HRNR: variants seen among roughly 807,000 people sequenced by gnomAD.
HRNR encodes filaggrin family member 3.
Under a neutral mutation model 4.8 loss-of-function variants are expected in HRNR, and 7 were observed. The observed-to-expected ratio is 1.47, with a 90% CI of 0.83 to 2.75. The LOEUF (loss-of-function observed/expected upper bound fraction) is 2.75. HRNR is among the 30% of genes most tolerant of loss of function. The probability of loss-of-function intolerance (pLI) is 0.00; values close to 1 mark genes in which losing one functional copy is unlikely to be tolerated. For synonymous variants in HRNR, 1,023 were observed against 1,242.7 expected (o/e 0.82, Z 3.72); for missense variants, 2,879 against 3,010.4 (o/e 0.96, Z 1.02).
Position 152,215,340 on chromosome 1 carries a change from G to C in HRNR, c.6289C>G (p.His2097Asp). The C allele has an allele frequency of 2.7e-6, 4 of 1,479,910 alleles. No homozygotes were observed. The highest frequency in any genetic ancestry group is 3.6e-6 in the Non-Finnish European group (4 of 1,102,930). 91.7% of individuals were successfully genotyped at this position (1,479,910 alleles called of 1,614,324 possible). A position where few individuals can be genotyped will look rare whatever the true frequency, so the allele number is the denominator to read the frequency against. Residue 2097 changes from histidine to aspartate, a missense_variant, in exon 3 of 3, where the codon CAT becomes GAT. Physicochemically the swap from His to Asp is moderately conservative, Grantham distance 81 (BLOSUM62 -1). Transcript: ENST00000368801. ...GSGRSSSSGQ[H>D]GPGLGESSGF... ...GAAGACTCGCCTAAGCCAGGCCCAT[G>C]TTGGCCACTGCTGGAAGACCGACCG...
Position 152,213,155 on chromosome 1 carries a change from C to A in HRNR, c.8474G>T (p.Gly2825Val). The change falls in exon 3 of 3, where the codon GGC (glycine) becomes GTC (valine). Residue 2825 changes from glycine to valine, a missense_variant. Coordinates refer to ENST00000368801, the MANE Select transcript of HRNR (RefSeq NM_001009931.3). Reference protein sequence around the residue: ...GGSNHDGGSSGSYFLSFPSST... With the variant: ...GGSNHDGGSSVSYFLSFPSST... The stretch of plus-strand genomic sequence containing the variant: ...ACTAGGAAAACTGAGAAAATATGAG[C>A]CAGAACTTCCCCCATCATGGTTACT... 6.2e-7 allele frequency: 1 copy of A among 1,613,980 alleles called. No individual in the cohort carries two copies. The highest frequency in any genetic ancestry group is 1.1e-5 in the South Asian group (1 of 91,092).
In HRNR at chr1:152,219,394, G is replaced by C. The variant is rs761177408; in HGVS notation, c.2235C>G (p.Ser745Arg). ...GACCATAGCTGGAAGACAAACCTGAGCTAGATCCGTGTTGTTCACTCCTAG... is the reference window on the plus strand; with the variant it reads ...GACCATAGCTGGAAGACAAACCTGACCTAGATCCGTGTTGTTCACTCCTAG... Reference protein sequence around the residue: ...QSSRSEQHGSSSGLSSSYGQH... With the variant: ...QSSRSEQHGSRSGLSSSYGQH... Residue 745 changes from serine to arginine, a missense_variant, in exon 3 of 3, where the codon AGC (serine) becomes AGG (arginine). Physicochemically the swap from Ser to Arg is moderately radical, Grantham distance 110 (BLOSUM62 -1). Around this residue, in one of 8 missense-constraint regions of HRNR, gnomAD observed 2,646 missense variants for 1,377.7 expected, o/e 1.92. Coordinates refer to ENST00000368801, the MANE Select transcript of HRNR (RefSeq NM_001009931.3). 8.1e-6 allele frequency: 13 copies of C among 1,613,882 alleles called. No homozygotes were observed. The highest frequency in any genetic ancestry group is 9.3e-6 in the Non-Finnish European group (11 of 1,179,994).
In HRNR at chr1:152,213,161, C is replaced by T. The variant is rs150101773; in HGVS notation, c.8468G>A (p.Ser2823Asn). 2.2e-5 allele frequency: 36 copies of T among 1,614,066 alleles called. 3 individuals carry two copies. In the Admixed American group the frequency reaches 4.3e-4, roughly 19 times the overall value. Residue 2823 changes from serine (S) to asparagine (N), a missense_variant, in exon 3 of 3, where the codon AGT becomes AAT. Physicochemically the swap from Ser to Asn is conservative, Grantham distance 46. Coordinates refer to ENST00000368801, the MANE Select transcript of HRNR (RefSeq NM_001009931.3). ...AAAACTGAGAAAATATGAGCCAGAA[C>T]TTCCCCCATCATGGTTACTTCCTCC... ...CKGGSNHDGG[S>N]SGSYFLSFPS... is the part of the protein sequence containing the mutation.
rs58787060 is a variant in HRNR, at chr1:152,221,809, TTAATTA to T, written c.139-325_139-320del. 5.1e-3 allele frequency among the ~76,000 whole-genome samples: 776 copies of T among 152,338 alleles called. 13 individuals carry two copies. The highest frequency in any genetic ancestry group is 0.018 in the African/African-American group (739 of 41,560). The stretch of plus-strand genomic sequence containing the variant: ...TAAGTAATATGTTTTTATACCTACA[TTAATTA>T]TATCAACTTTATTTATCCAATTAAA... On this transcript the variant is annotated intron_variant, in intron 2 of 2. Coordinates refer to ENST00000368801, the MANE Select transcript of HRNR (RefSeq NM_001009931.3).
In HRNR at chr1:152,220,665, G is replaced by T; in HGVS notation, c.964C>A (p.His322Asn). 6.2e-7 allele frequency: 1 copy of T among 1,611,684 alleles called. No homozygotes were observed. The highest frequency in any genetic ancestry group is 1.7e-5 in the Admixed American group (1 of 59,926). The change falls in exon 3 of 3, where the codon CAC becomes AAC. Residue 322 changes from histidine (H) to asparagine (N), a missense_variant. By Grantham distance (68) the His-to-Asn change is moderately conservative. Transcript: ENST00000368801. Reference sequence around the variant, plus strand: ...CTTGAGCCAGACCCGTGTTGGCCGTGGCTGGAGGAGTGCCCCGAACCGGAC... The same window carrying T: ...CTTGAGCCAGACCCGTGTTGGCCGTTGCTGGAGGAGTGCCCCGAACCGGAC... ...HGSGSGHSSS[H>N]GQHGSGSSYS...
rs1648481268 is a variant in HRNR, at chr1:152,213,618, GT to G, written c.8010del (p.Gln2670HisfsTer183). ...GAAGAACGACCTGAGCCAGACCCAT[GT>G]TGGCCGTGGCTGGAGGAGTGCCCCA... ...SGLGHSSSHG[Q>X]HGSGSGRSSS... is the part of the protein sequence containing the mutation. On this transcript the variant is annotated frameshift_variant, in exon 3 of 3. Transcript: ENST00000368801. LOFTEE classifies it low-confidence loss of function (END_TRUNC). 1 of 1,282,640 alleles carries G rather than the reference GT, an allele frequency of 7.8e-7. No homozygotes were observed. The highest frequency in any genetic ancestry group is 2.0e-5 in the African/African-American group (1 of 51,076). 79.5% of individuals were successfully genotyped at this position (1,282,640 alleles called of 1,614,324 possible). A position where few individuals can be genotyped will look rare whatever the true frequency, so the allele number is the denominator to read the frequency against.
In HRNR at chr1:152,213,654, C is replaced by T. The variant is rs1418649382; in HGVS notation, c.7975G>A (p.Gly2659Arg). The change falls in exon 3 of 3, where the codon GGG becomes AGG. Residue 2659 changes from glycine (G) to arginine (R), a missense_variant. By Grantham distance (125) the Gly-to-Arg change is moderately radical. This residue lies in a region of HRNR where 10 missense variants were observed against 55.2 expected (regional missense o/e 0.18). Coordinates refer to ENST00000368801, the MANE Select transcript of HRNR (RefSeq NM_001009931.3). ...CTGGAGGAGTGCCCCAAACCGGACC[C>T]ATGTCGGCCGCGGCTAGGGGACTGG... is the stretch of plus-strand genomic sequence containing the variant. The part of the protein sequence containing the change: ...SGQSPSRGRH[G>R]SGLGHSSSHG... The T allele has an allele frequency of 1.4e-6, 2 of 1,443,572 alleles. No individual in the cohort carries two copies. Among genetic ancestry groups the T allele is most frequent in the Admixed American group, 3.9e-5 (2 of 51,638 alleles). The allele number at this position is 1,443,572 out of a possible 1,614,324, so 89.4% of individuals were successfully genotyped here.
In HRNR at chr1:152,219,210, A is replaced by T; in HGVS notation, c.2419T>A (p.Tyr807Asn). 3 of 1,613,140 alleles carry T rather than the reference A, an allele frequency of 1.9e-6. No individual in the cohort carries two copies. The highest frequency in any genetic ancestry group is 2.5e-6 in the Non-Finnish European group (3 of 1,179,760). Reference sequence around the variant, plus strand: ...GAAGCCTGGCCTGAGCCAGACTCATAATGGCCACAGCTGGAAGAACAACTT... The same window carrying T: ...GAAGCCTGGCCTGAGCCAGACTCATTATGGCCACAGCTGGAAGAACAACTT... ...GTSCSSSCGH[Y>N]ESGSGQASGF... Residue 807 changes from tyrosine (Y) to asparagine (N), a missense_variant, in exon 3 of 3, where the codon TAT becomes AAT. Physicochemically the swap from Tyr to Asn is moderately radical, Grantham distance 143 (BLOSUM62 -2). This residue lies in a region of HRNR where 2,646 missense variants were observed against 1,377.7 expected (regional missense o/e 1.92). Transcript: ENST00000368801.
chr1:152,221,292 C>T lies in HRNR; in HGVS notation c.337G>A (p.Glu113Lys), dbSNP rs760568280. 4 of 1,613,856 alleles carry T rather than the reference C, an allele frequency of 2.5e-6. No individual in the cohort carries two copies. The African/African-American group carries it at 4.0e-5, about 16-fold the overall frequency. ...TTGTTCTCCTCTTTTTCAGTTTCTTCTTGTTCCTCTTGGTGCTGGTGAGTG... is the reference window on the plus strand; with the variant it reads ...TTGTTCTCCTCTTTTTCAGTTTCTTTTTGTTCCTCTTGGTGCTGGTGAGTG... ...DDTHQHQEEQ[E>K]ETEKEENKRQ... The change falls in exon 3 of 3, where the codon GAA (glutamate) becomes AAA (lysine). Residue 113 changes from glutamate to lysine, a missense_variant. Physicochemically the swap from Glu to Lys is moderately conservative, Grantham distance 56 (BLOSUM62 1). Around this residue, in one of 8 missense-constraint regions of HRNR, gnomAD observed 2,646 missense variants for 1,377.7 expected, o/e 1.92. Transcript: ENST00000368801.
chr1:152,219,792 G>T lies in HRNR; in HGVS notation c.1837C>A (p.His613Asn). 6.2e-7 allele frequency: 1 copy of T among 1,612,250 alleles called. No individual in the cohort carries two copies. Residue 613 changes from histidine (H) to asparagine (N), a missense_variant, in exon 3 of 3, where the codon CAT becomes AAT. Physicochemically the swap from His to Asn is moderately conservative, Grantham distance 68. This residue lies in a region of HRNR where 2,646 missense variants were observed against 1,377.7 expected (regional missense o/e 1.92). Transcript: ENST00000368801. ...SSGHSSTHGQ[H>N]GSTSGQSSSC... Reference sequence around the variant, plus strand: ...GATGACTGTCCTGATGTAGAACCATGTTGCCCATGGGTAGAGGAATGACCC... The same window carrying T: ...GATGACTGTCCTGATGTAGAACCATTTTGCCCATGGGTAGAGGAATGACCC...
chr1:152,221,530 T>C (rs1649003037), intron 2 of HRNR, 40 bp from the exon 3 acceptor site: 2 of 1,422,422 alleles, frequency 1.4e-6, no homozygotes, highest in Non-Finnish European at 9.6e-7. Flanking sequence ...TCTGTTAGTA[T>C]GGACAATACA....
In HRNR at chr1:152,213,162, T is replaced by C. The variant is rs766807765; in HGVS notation, c.8467A>G (p.Ser2823Gly). 2 of 1,614,036 alleles carry C rather than the reference T, an allele frequency of 1.2e-6. No homozygotes were observed. Among genetic ancestry groups the C allele is most frequent in the East Asian group, 4.5e-5 (2 of 44,896 alleles). ...CKGGSNHDGG[S>G]SGSYFLSFPS... Reference sequence around the variant, plus strand: ...AAACTGAGAAAATATGAGCCAGAACTTCCCCCATCATGGTTACTTCCTCCT... The same window carrying C: ...AAACTGAGAAAATATGAGCCAGAACCTCCCCCATCATGGTTACTTCCTCCT... Residue 2823 changes from serine (S) to glycine (G), a missense_variant, in exon 3 of 3, where the codon AGT (serine) becomes GGT (glycine). Transcript: ENST00000368801.
In HRNR at chr1:152,220,804, A is replaced by G. The variant is rs1648956398; in HGVS notation, c.825T>C (p.Ser275=). 1 of 1,613,686 alleles carries G rather than the reference A, an allele frequency of 6.2e-7. No homozygotes were observed. The highest frequency in any genetic ancestry group is 1.3e-5 in the African/African-American group (1 of 74,808). The change falls in exon 3 of 3, where the codon TCT becomes TCC. Residue 275 remains serine, a synonymous_variant. Transcript: ENST00000368801. ...CATAGCTGGAAGACGAACCTGAGCT[A>G]GATCTGTGTCGTTCACCCCTAGATG... ...GQSSRGERHR[S]SSGSSSSYGQ... is the part of the protein sequence containing the mutation.
At position 152,218,638 on chromosome 1, in the gene HRNR, G is replaced by C. The variant is rs1248095004; in HGVS notation, c.2991C>G (p.Gly997=). The part of the protein sequence containing the change: ...GSGSRQSLGH[G]QHGSGSGQSP... ...ACTGGCCAGATCCAGACCCATGTTG[G>C]CCGTGGCCCAAAGACTGACGGGAGC... The change falls in exon 3 of 3, where the codon GGC becomes GGG. Residue 997 remains glycine (G), a synonymous_variant. Coordinates refer to ENST00000368801, the MANE Select transcript of HRNR (RefSeq NM_001009931.3). The C allele has an allele frequency of 2.5e-6, 4 of 1,613,644 alleles. No homozygotes were observed. Among genetic ancestry groups the C allele is most frequent in the Admixed American group, 1.7e-5 (1 of 59,990 alleles).
rs1202953575 is a variant in HRNR at position 152,220,443 on chromosome 1, G to C, written c.1186C>G (p.Gln396Glu). The C allele has an allele frequency of 6.2e-7, 1 of 1,612,306 alleles. No homozygotes were observed. Among genetic ancestry groups the C allele is most frequent in the Non-Finnish European group, 8.5e-7 (1 of 1,179,556 alleles). Residue 396 changes from glutamine to glutamate, a missense_variant, in exon 3 of 3, where the codon CAG (glutamine) becomes GAG (glutamate). By Grantham distance (29) the Gln-to-Glu change is conservative. Around this residue, in one of 8 missense-constraint regions of HRNR, gnomAD observed 2,646 missense variants for 1,377.7 expected, o/e 1.92. Coordinates refer to ENST00000368801, the MANE Select transcript of HRNR (RefSeq NM_001009931.3). ...TCATGCTGACCATAGCTGGAAGACTGACGTGAGCTGGAGCCATGTTGGCCA... is the reference window on the plus strand; with the variant it reads ...TCATGCTGACCATAGCTGGAAGACTCACGTGAGCTGGAGCCATGTTGGCCA... ...SSGQHGSSSR[Q>E]SSSYGQHESA...
chr1:152,220,012 C>T lies in HRNR; in HGVS notation c.1617G>A (p.Gln539=). Residue 539 remains glutamine (Q), a synonymous_variant, in exon 3 of 3, where the codon CAG becomes CAA. Coordinates refer to ENST00000368801, the MANE Select transcript of HRNR (RefSeq NM_001009931.3). ...GHSRHGSGSG[Q]SPSPSRGRHE... ...GTCGGCCACGGCTAGGGCTAGGAGA[C>T]TGGCCAGATCCAGACCCATGTCGGC... The T allele has an allele frequency of 6.2e-7, 1 of 1,613,968 alleles. No homozygotes were observed. Among genetic ancestry groups the T allele is most frequent in the Non-Finnish European group, 8.5e-7 (1 of 1,179,986 alleles).
At chr1:152,222,591 G>T (rs752233466) in intron 2 of HRNR, among the ~76,000 whole-genome samples, 1 of 152,122 alleles carries the variant, frequency 6.6e-6, no homozygotes, top group East Asian at 1.9e-4. Context: ...GAAGGAAAAA[G>T]GTTAGTGGGG....
In HRNR at chr1:152,212,741, A is replaced by G. The variant is rs76158034; in HGVS notation, c.*335T>C. On this transcript the variant is annotated 3_prime_UTR_variant, in exon 3 of 3. Transcript: ENST00000368801. ...TGTAAGGTTAGCTTTGGCACCATCT[A>G]TAAATGAATGATGAGCTCTCAAAAA... The G allele has an allele frequency of 2.1e-3, 745 of 348,422 alleles. 5 individuals are homozygous for G. Among genetic ancestry groups the G allele is most frequent in the African/African-American group, 0.014 (679 of 47,026 alleles). 21.6% of individuals were successfully genotyped at this position (348,422 alleles called of 1,614,324 possible). A position where few individuals can be genotyped will look rare whatever the true frequency, so the allele number is the denominator to read the frequency against.
In HRNR at chr1:152,220,679, C is replaced by T; in HGVS notation, c.950G>A (p.Gly317Glu). Residue 317 changes from glycine to glutamate, a missense_variant, in exon 3 of 3, where the codon GGG becomes GAG. Physicochemically the swap from Gly to Glu is moderately conservative, Grantham distance 98. This residue lies in a region of HRNR where 2,646 missense variants were observed against 1,377.7 expected (regional missense o/e 1.92). Transcript: ENST00000368801. ...PSHVRHGSGSGHSSSHGQHGS... is the reference protein window; with the variant it reads ...PSHVRHGSGSEHSSSHGQHGS... ...GTGTTGGCCGTGGCTGGAGGAGTGC[C>T]CCGAACCGGACCCATGTCGGACGTG... 1 of 1,612,414 alleles carries T rather than the reference C, an allele frequency of 6.2e-7. No individual in the cohort carries two copies. Among genetic ancestry groups the T allele is most frequent in the Non-Finnish European group, 8.5e-7 (1 of 1,178,828 alleles).
Sources: allele counts gnomAD v4.1 joint callset (sites outside exome capture counted in the v4.1 genomes callset), GRCh38; gene constraint gnomAD v4.1.1; regional missense constraint gnomAD v4.1.1; transcripts MANE v1.5; gene names NCBI Gene and HGNC (gene_info 2026-07-23, HGNC 2026-07-21).